The following TLN2 variants were observed in gnomAD, a reference collection of about 807,000 sequenced individuals.
The protein encoded by TLN2 is talin-2.
TLN2 carries 118 observed loss-of-function variants against 294.7 expected under a neutral mutation model. The ratio of observed to expected loss-of-function variants is 0.40; its 90% CI spans 0.34 to 0.47. TLN2 has a LOEUF of 0.47. Ranked by LOEUF, TLN2 falls within the 20% of genes least tolerant of loss-of-function variation. TLN2 has a pLI of 0.84. For missense variants in TLN2, 3,083 were observed against 3,282.2 expected, an observed-to-expected ratio of 0.94 and a Z score of 1.48; for synonymous variants, 1,431 against 1,304.5, an observed-to-expected ratio of 1.10 and a Z score of -2.09.
intron 1 of TLN2, among the ~76,000 whole-genome samples, chr15:62,553,703 A>G (rs574973240): frequency 4.0e-4 from 61 of 152,334 alleles, no homozygotes; most frequent in African/African-American, 1.4e-3. Flanking sequence ...TCTATATTAA[A>G]TACCCCTAAT....
chr15:62,657,977 G>C, intron 9 of TLN2, 79 bp downstream of exon 9: 1 of 1,372,296 alleles, frequency 7.3e-7, no homozygotes, highest in Non-Finnish European at 1.0e-6. Context: ...TGAGCTAGGT[G>C]TCTAAGATCA....
At chr15:62,525,448 A>T (rs1366658749) in intron 1 of TLN2, among the ~76,000 whole-genome samples, 1 of 151,506 alleles carries the variant, frequency 6.6e-6, no homozygotes, top group East Asian at 2.0e-4. Flanking sequence ...GGGGTCATTC[A>T]CTCCTCCCCT....
intron 1 of TLN2, among the ~76,000 whole-genome samples, chr15:62,392,984 C>T (rs2032224857): frequency 6.6e-6 from 1 of 151,764 alleles, no homozygotes; most frequent in South Asian, 2.1e-4. Flanking sequence ...AAGAGGGATG[C>T]CTACACGAAT....
intron 29 of TLN2, among the ~76,000 whole-genome samples, chr15:62,737,297 T>G (rs951659608): frequency 2.0e-5 from 3 of 152,226 alleles, no homozygotes; most frequent in African/African-American, 7.2e-5. Flanking sequence ...GTGATCTGCT[T>G]AATTCACAGT....
chr15:62,649,028 T>G (rs2052268345), intron 4 of TLN2, among the ~76,000 whole-genome samples: 2 of 152,040 alleles, frequency 1.3e-5, no homozygotes, highest in Admixed American at 6.6e-5. Context: ...TTGTATTTTT[T>G]GTAGATACAA....
At chr15:62,782,022 G>C (rs1247352501) in intron 44 of TLN2, among the ~76,000 whole-genome samples, 1 of 152,250 alleles carries the variant, frequency 6.6e-6, no homozygotes, top group Admixed American at 6.5e-5. Flanking sequence ...TAAAGGCTCA[G>C]ATGCCATAAG....
At chr15:62,752,238 A>G in intron 34 of TLN2, 67 bp from the exon 35 acceptor site, 5 of 1,569,572 alleles carry the variant, frequency 3.2e-6, no homozygotes, top group Non-Finnish European at 4.3e-6. Flanking sequence ...GTTGGAGTGT[A>G]GCCTCCTTTA....
At chr15:62,640,373 A>G (rs1338572849) in intron 3 of TLN2, 1 of 457,166 alleles carries the variant, frequency 2.2e-6, no homozygotes, top group South Asian at 1.5e-5. Context: ...CTAGAGGCAG[A>G]GAGAAGAGGG....
chr15:62,515,881 C>G (rs1167774017), intron 1 of TLN2, among the ~76,000 whole-genome samples: 2 of 152,184 alleles, frequency 1.3e-5, no homozygotes, highest in Non-Finnish European at 2.9e-5. Context: ...GTGTGCTGGG[C>G]TTGCCCCATA....
intron 1 of TLN2, among the ~76,000 whole-genome samples, chr15:62,572,555 T>C (rs2043972670): frequency 6.6e-6 from 1 of 152,156 alleles, no homozygotes; most frequent in Admixed American, 6.5e-5. Flanking sequence ...AGATGGAGCC[T>C]ACTCTCCAGA....
At chr15:62,686,544 A>G (rs2057307939) in intron 11 of TLN2, 97 bp from the exon 12 acceptor site, 2 of 1,391,202 alleles carry the variant, frequency 1.4e-6, no homozygotes, top group African/African-American at 3.4e-5. Flanking sequence ...TTTGAAAGAC[A>G]GTGTATGCAG....
rs921835786 is a variant in TLN2, at chr15:62,618,580, C to T, written c.-37+105C>T. ...TGGGTACCAGCTAGGTACACTAATA[C>T]ACTGATGAGGGCCTGCGTCTCTGTC... On this transcript the variant is annotated intron_variant, in intron 3 of 58. Coordinates refer to ENST00000636159, the MANE Select transcript of TLN2 (RefSeq NM_015059.3). The T allele has an allele frequency of 1.7e-4, 26 of 152,340 alleles. No individual in the cohort carries two copies. The East Asian group carries it at 2.1e-3, about 12-fold the overall frequency. The allele number at this position is 152,340 out of a possible 1,614,324, so 9.4% of individuals were successfully genotyped here.
At chr15:62,430,412 G>A (rs964621322) in intron 1 of TLN2, among the ~76,000 whole-genome samples, 1 of 152,306 alleles carries the variant, frequency 6.6e-6, no homozygotes, top group African/African-American at 2.4e-5. Flanking sequence ...CCCGGTTAGA[G>A]GAATCTTGGC....
chr15:62,617,348 C>A (rs970872334), intron 2 of TLN2, among the ~76,000 whole-genome samples: 2 of 152,118 alleles, frequency 1.3e-5, no homozygotes, highest in Non-Finnish European at 2.9e-5. Context: ...GCTCCTGGAA[C>A]CATTCCTTGG....
At chr15:62,540,637 G>A (rs1027622593) in intron 1 of TLN2, among the ~76,000 whole-genome samples, 3 of 152,116 alleles carry the variant, frequency 2.0e-5, no homozygotes, top group Non-Finnish European at 4.4e-5. Context: ...TTGGAACTCT[G>A]AGAAGTCCAG....
intron 1 of TLN2, among the ~76,000 whole-genome samples, chr15:62,506,680 A>G (rs1012622785): frequency 6.6e-6 from 1 of 152,224 alleles, no homozygotes; most frequent in African/African-American, 2.4e-5. Flanking sequence ...GCATACTTTG[A>G]TATGGCAGAA....
Position 62,717,727 on chromosome 15 carries a change from G to C in TLN2, c.2877+38G>C, listed in dbSNP as rs768068659. 7.0e-6 allele frequency: 10 copies of C among 1,433,392 alleles called. No individual in the cohort carries two copies. In the South Asian group the frequency reaches 1.1e-4, roughly 16 times the overall value. 88.8% of individuals were successfully genotyped at this position (1,433,392 alleles called of 1,614,324 possible). ...TGCACAGAGAGCCAGGTCAGCTGCA[G>C]ATGACCCTGATAACATTAGAACACC... On this transcript the variant is annotated intron_variant, in intron 24 of 58. Coordinates refer to ENST00000636159, the MANE Select transcript of TLN2 (RefSeq NM_015059.3).
intron 32 of TLN2, among the ~76,000 whole-genome samples, chr15:62,743,249 C>A (rs76182134): frequency 0.066 from 9,999 of 152,074 alleles, 641 homozygotes; most frequent in Admixed American, 0.2. Context: ...TCCTGCCTGT[C>A]CTTCCTGTGT....
intron 12 of TLN2, among the ~76,000 whole-genome samples, chr15:62,692,505 T>C (rs1330243170): frequency 6.6e-6 from 1 of 152,150 alleles, no homozygotes; most frequent in Admixed American, 6.5e-5. Flanking sequence ...ACTAAAAGCA[T>C]GCTTTTCAGG....
Sources: gnomAD v4.1 joint callset for allele counts (sites outside exome capture counted in the v4.1 genomes callset) on GRCh38, gnomAD v4.1.1 for gene constraint, MANE v1.5 for transcripts, NCBI Gene and HGNC (gene_info 2026-07-23, HGNC 2026-07-21) for gene names.